Variants in COL19A1 observed in about 807,000 individuals in gnomAD.
COL19A1 encodes collagen alpha-1(XIX) chain.
Under a neutral mutation model 190.2 loss-of-function variants are expected in COL19A1, and 159 were observed. The observed-to-expected ratio is 0.84, with a 90% CI of 0.73 to 0.95. The LOEUF (loss-of-function observed/expected upper bound fraction) is 0.95, where lower values mean the gene tolerates loss of function less well. Ranked by LOEUF, COL19A1 falls within the 40% of genes least tolerant of loss-of-function variation. COL19A1 has a pLI of 0.00. For synonymous variants in COL19A1, 509 were observed against 458.9 expected (o/e 1.11, Z -1.39); for missense variants, 1,418 against 1,431.9 (o/e 0.99, Z 0.16).
intron 11 of COL19A1, among the ~76,000 whole-genome samples, chr6:69,994,180 A>C (rs933544753): frequency 1.3e-5 from 2 of 152,120 alleles, no homozygotes; most frequent in African/African-American, 4.8e-5. Context: ...AATAATGTGG[A>C]GATAGATGAT....
intron 15 of COL19A1, among the ~76,000 whole-genome samples, chr6:70,098,900 G>T (rs373445648): frequency 1.3e-5 from 2 of 151,660 alleles, no homozygotes; most frequent in Non-Finnish European, 2.9e-5. Flanking sequence ...CTGGGAGTAG[G>T]CATGGACTAT....
At chr6:70,023,722 C>T (rs369934434) in intron 12 of COL19A1, 42 bp downstream of exon 12, 1 of 1,553,142 alleles carries the variant, frequency 6.4e-7, no homozygotes. Flanking sequence ...TTACATTTTA[C>T]CACTAAGATA....
At chr6:70,098,394 A>G (rs1446554540) in intron 15 of COL19A1, 5 of 508,776 alleles carry the variant, frequency 9.8e-6, no homozygotes, top group Non-Finnish European at 1.6e-5. Context: ...AATTCTTAAG[A>G]TAAACTGGAT....
chr6:70,032,742 G>C (rs1779142137), intron 12 of COL19A1, among the ~76,000 whole-genome samples: 1 of 152,108 alleles, frequency 6.6e-6, no homozygotes, highest in Admixed American at 6.6e-5. Context: ...ACATGTGGCT[G>C]TGGCTACCAG....
chr6:70,169,956 A>G (rs1436312716), intron 40 of COL19A1, among the ~76,000 whole-genome samples: 3 of 152,150 alleles, frequency 2.0e-5, no homozygotes, highest in Admixed American at 2.0e-4. Context: ...ATAAAGGATA[A>G]ATTATAATTT....
intron 24 of COL19A1, 92 bp downstream of exon 24, chr6:70,144,355 T>C: frequency 8.9e-7 from 1 of 1,117,626 alleles, no homozygotes. Context: ...GCCCAGGGCT[T>C]CTGGGATTGT....
At chr6:69,930,929 T>G (rs1271141578) in intron 6 of COL19A1, among the ~76,000 whole-genome samples, 1 of 152,208 alleles carries the variant, frequency 6.6e-6, no homozygotes, top group Admixed American at 6.5e-5. Context: ...TAATTTCATG[T>G]GGATTCTTGG....
intron 46 of COL19A1, among the ~76,000 whole-genome samples, chr6:70,186,069 C>A (rs573132906): frequency 2.0e-3 from 303 of 152,082 alleles, no homozygotes; most frequent in African/African-American, 6.6e-3. Flanking sequence ...TGTCTTTTTT[C>A]ACCTAACGAT....
At chr6:70,144,081 A>T in intron 23 of COL19A1, 129 bp from the exon 24 acceptor site, 1 of 762,238 alleles carries the variant, frequency 1.3e-6, no homozygotes, top group East Asian at 3.0e-5. Flanking sequence ...GCCAAAATCA[A>T]TCCAACTCCT....
chr6:69,896,696 T>C (rs953864724), intron 2 of COL19A1, among the ~76,000 whole-genome samples: 1 of 152,232 alleles, frequency 6.6e-6, no homozygotes, highest in Non-Finnish European at 1.5e-5. Flanking sequence ...AGCCATTTAG[T>C]GATATCTCAC....
intron 2 of COL19A1, among the ~76,000 whole-genome samples, chr6:69,896,531 G>A (rs566655924): frequency 7.4e-5 from 8 of 108,702 alleles, no homozygotes; most frequent in South Asian, 3.2e-4. Context: ...GCGACAGAGC[G>A]AGACTCCGTC....
intron 1 of COL19A1, among the ~76,000 whole-genome samples, chr6:69,872,866 G>C (rs980907468): frequency 6.6e-6 from 1 of 152,190 alleles, no homozygotes; most frequent in African/African-American, 2.4e-5. Context: ...GAACTCTGGG[G>C]TCTGGCCAGA....
chr6:69,876,521 T>C (rs534674572), intron 1 of COL19A1, among the ~76,000 whole-genome samples: 1 of 152,344 alleles, frequency 6.6e-6, no homozygotes, highest in South Asian at 2.1e-4. Context: ...GAATATTGAC[T>C]AAGTTAAGGC....
At chr6:70,137,823 C>G in intron 19 of COL19A1, 76 bp downstream of exon 19, 1 of 1,405,336 alleles carries the variant, frequency 7.1e-7, no homozygotes, top group East Asian at 2.3e-5. Context: ...AAATCAGCCC[C>G]AATTCCACGT....
chr6:70,142,865 A>G (rs1399264869), intron 23 of COL19A1, 45 bp downstream of exon 23: 5 of 1,545,374 alleles, frequency 3.2e-6, no homozygotes, highest in Non-Finnish European at 1.8e-6. Flanking sequence ...AATTGAGACT[A>G]GGACATGTTT....
At chr6:70,077,071 T>C (rs1781926696) in intron 15 of COL19A1, among the ~76,000 whole-genome samples, 1 of 152,190 alleles carries the variant, frequency 6.6e-6, no homozygotes, top group African/African-American at 2.4e-5. Flanking sequence ...ATTCGGAGCA[T>C]GAAACATTTT....
rs1554186636 is a variant in COL19A1 at position 69,998,663 on chromosome 6, A to AG, written c.1027-24963dup. ...CCCTCTCAAAAAAAAAAAAAAAAAA[A>AG]GACAGAAAAAAGAAATTTCATTCAT... On this transcript the variant is annotated intron_variant, in intron 11 of 50. Transcript: ENST00000620364. Among the ~76,000 whole-genome samples, 7 of 150,378 alleles carry AG rather than the reference A, an allele frequency of 4.7e-5. No homozygotes were observed. The East Asian group carries it at 1.4e-3, about 29-fold the overall frequency.
At chr6:69,936,026 C>G (rs1166994394) in intron 7 of COL19A1, among the ~76,000 whole-genome samples, 2 of 152,108 alleles carry the variant, frequency 1.3e-5, no homozygotes, top group African/African-American at 2.4e-5. Context: ...CTAGTGCTTT[C>G]TCTTCGTGAA....
At chr6:70,094,420 G>A (rs1351016498) in intron 15 of COL19A1, among the ~76,000 whole-genome samples, 2 of 152,010 alleles carry the variant, frequency 1.3e-5, no homozygotes, top group Non-Finnish European at 2.9e-5. Flanking sequence ...TATGGAAACA[G>A]GGGAATGTTA....
Sources: allele counts gnomAD v4.1 joint callset (sites outside exome capture counted in the v4.1 genomes callset), GRCh38; gene constraint gnomAD v4.1.1; transcripts MANE v1.5; gene names NCBI Gene and HGNC (gene_info 2026-07-23, HGNC 2026-07-21).